Variants in RBL2 observed in about 807,000 individuals in gnomAD.
The protein encoded by RBL2 is retinoblastoma-like protein 2.
A neutral mutation model predicts 126.0 loss-of-function variants in RBL2; 56 were observed. The observed-to-expected ratio is 0.44, with a 90% confidence interval of 0.36 to 0.56. The LOEUF is 0.56. Ranked by LOEUF, RBL2 falls within the 20% of genes least tolerant of loss-of-function variation. RBL2 has a pLI of 0.00. For missense variants in RBL2, 1,229 were observed against 1,398.2 expected (o/e 0.88, Z 1.93); for synonymous variants, 454 against 478.5 (o/e 0.95, Z 0.67).
chr16:53,490,081 G>C (rs774952124), intron 21 of RBL2, 49 bp from the exon 22 acceptor site: 43 of 1,395,146 alleles, frequency 3.1e-5, no homozygotes, highest in Non-Finnish European at 4.1e-5. Context: ...TTAATACTGA[G>C]CTATGTGCAT....
At chr16:53,461,354 G>A (rs569560406) in intron 9 of RBL2, among the ~76,000 whole-genome samples, 14 of 152,270 alleles carry the variant, frequency 9.2e-5, no homozygotes, top group Admixed American at 3.9e-4. Flanking sequence ...TTAGCTGGGC[G>A]TGGTGGCAGG....
chr16:53,467,300 A>G lies in RBL2; in HGVS notation c.1975+131A>G, dbSNP rs1460068111. The G allele has an allele frequency of 7.2e-6, 5 of 692,398 alleles. No individual in the cohort carries two copies. In the African/African-American group the frequency reaches 7.4e-5, roughly 10 times the overall value. 42.9% of individuals were successfully genotyped at this position (692,398 alleles called of 1,614,324 possible). A position where few individuals can be genotyped will look rare whatever the true frequency, so the allele number is the denominator to read the frequency against. On this transcript the variant is annotated intron_variant, in intron 14 of 21. Transcript: ENST00000262133. ...TTCTATGCATTTTTGTACCACATGG[A>G]TCACTTAAAAGAAGGGCCTTTAAAG...
chr16:53,477,183 TAC>T (rs1960756742), intron 17 of RBL2, among the ~76,000 whole-genome samples: 1 of 152,222 alleles, frequency 6.6e-6, no homozygotes, highest in African/African-American at 2.4e-5. Context: ...ACTGTTTCGT[TAC>T]ACATATTACA....
At chr16:53,484,357 C>T (rs1961076229) in intron 21 of RBL2, among the ~76,000 whole-genome samples, 1 of 152,126 alleles carries the variant, frequency 6.6e-6, no homozygotes, top group Non-Finnish European at 1.5e-5. Flanking sequence ...AGGAAAATAG[C>T]ATTTAAATGT....
intron 17 of RBL2, among the ~76,000 whole-genome samples, chr16:53,472,227 A>T (rs942712304): frequency 6.6e-6 from 1 of 152,214 alleles, no homozygotes; most frequent in Non-Finnish European, 1.5e-5. Flanking sequence ...GTGAACAGGT[A>T]TATCATGTAC....
chr16:53,447,737 C>CAGGTGT (rs2058075939), intron 4 of RBL2, among the ~76,000 whole-genome samples: 2 of 150,888 alleles, frequency 1.3e-5, no homozygotes, highest in African/African-American at 5.0e-5. Context: ...CTACACCTCC[C>CAGGTGT]AGGTTCAAGT....
At chr16:53,466,493 C>T (rs532371533) in intron 13 of RBL2, among the ~76,000 whole-genome samples, 12 of 151,802 alleles carry the variant, frequency 7.9e-5, no homozygotes, top group Admixed American at 6.6e-5. Context: ...AGCTTGTTTT[C>T]CTGCAACTAG....
At chr16:53,454,903 T>G in intron 8 of RBL2, 61 bp downstream of exon 8, 3 of 1,391,772 alleles carry the variant, frequency 2.2e-6, no homozygotes, top group Non-Finnish European at 2.9e-6. Context: ...GGGTTCTTTT[T>G]TATTTTGGTA....
In RBL2 at chr16:53,462,576, T is replaced by C. The variant is rs1036452858; in HGVS notation, c.1481T>C (p.Phe494Ser). Residue 494 changes from phenylalanine to serine, a missense_variant, in exon 11 of 22, where the codon TTT (phenylalanine) becomes TCT (serine). Around this residue, in one of 2 missense-constraint regions of RBL2, gnomAD observed 1,070 missense variants for 1,274.3 expected, o/e 0.84. Transcript: ENST00000262133. ...AKEIASKHFR[F>S]AEMLYYKVLE... ...GAAATTGCCAGCAAACATTTTCGTT[T>C]TGCGGAGATGCTTTACTATAAAGTA... 9.0e-6 allele frequency: 14 copies of C among 1,560,988 alleles called. No homozygotes were observed. The Admixed American group carries it at 1.6e-4, about 18-fold the overall frequency.
At position 53,468,615 on chromosome 16, in the gene RBL2, A is replaced by C. The variant is rs369005801; in HGVS notation, c.1976-1301A>C. On this transcript the variant is annotated intron_variant, in intron 14 of 21. Coordinates refer to ENST00000262133, the MANE Select transcript of RBL2 (RefSeq NM_005611.4). Reference sequence around the variant, plus strand: ...ATATTTTATAAGAAAAAATGATCATAATCTATTCTTTCTGATTCTGCAGCT... The same window carrying C: ...ATATTTTATAAGAAAAAATGATCATCATCTATTCTTTCTGATTCTGCAGCT... 2.7e-3 allele frequency among the ~76,000 whole-genome samples: 404 copies of C among 152,310 alleles called. 23 individuals are homozygous for C. The South Asian group carries it at 0.08, about 30-fold the overall frequency.
intron 13 of RBL2, chr16:53,466,718 G>C (rs924885416): frequency 4.8e-6 from 1 of 209,270 alleles, no homozygotes; most frequent in Non-Finnish European, 9.6e-6. Flanking sequence ...AGCTTTGCTC[G>C]CATGCTCACT....
Position 53,467,054 on chromosome 16 carries a change from A to G in RBL2, c.1864-4A>G, listed in dbSNP as rs781330048. ...TGGCATTCTGTGTAACCAATTCTTC[A>G]TAGGTCATGCCACCTCAGAACCTGG... On this transcript the variant is annotated splice_polypyrimidine_tract_variant and splice_region_variant and intron_variant, in intron 13 of 21. Coordinates refer to ENST00000262133, the MANE Select transcript of RBL2 (RefSeq NM_005611.4). 3.1e-6 allele frequency: 5 copies of G among 1,610,860 alleles called. No individual in the cohort carries two copies. The highest frequency in any genetic ancestry group is 1.7e-5 in the Admixed American group (1 of 59,644).
chr16:53,479,057 T>C (rs764833396), intron 17 of RBL2, 97 bp from the exon 18 acceptor site: 2 of 921,534 alleles, frequency 2.2e-6, no homozygotes, highest in Non-Finnish European at 3.5e-6. Flanking sequence ...TTTTATATAA[T>C]TTTCACCCCT....
chr16:53,446,629 G>T (rs547374130), intron 3 of RBL2, among the ~76,000 whole-genome samples: 1 of 152,220 alleles, frequency 6.6e-6, no homozygotes, highest in South Asian at 2.1e-4. Context: ...ATATAGTCTG[G>T]AATATCTTTA....
chr16:53,434,842 C>T (rs1006937417), intron 1 of RBL2, 46 bp downstream of exon 1: 13 of 1,440,334 alleles, frequency 9.0e-6, no homozygotes, highest in African/African-American at 1.5e-5. Context: ...TTGGCGTGAA[C>T]CGGTGCCTTC....
intron 21 of RBL2, among the ~76,000 whole-genome samples, chr16:53,487,268 C>T (rs140762807): frequency 6.6e-6 from 1 of 152,282 alleles, no homozygotes; most frequent in East Asian, 1.9e-4. Flanking sequence ...AGGATTCACA[C>T]TAATTATGAA....
chr16:53,453,449 T>C lies in RBL2; in HGVS notation c.767-3T>C, dbSNP rs776337673. On this transcript the variant is annotated splice_polypyrimidine_tract_variant and splice_region_variant and intron_variant, in intron 5 of 21. Coordinates refer to ENST00000262133, the MANE Select transcript of RBL2 (RefSeq NM_005611.4). Reference sequence around the variant, plus strand: ...CTCTGTTTTGTGATTCTATACACCATAGGCTTATCTGAAGATTTTCATGCT... The same window carrying C: ...CTCTGTTTTGTGATTCTATACACCACAGGCTTATCTGAAGATTTTCATGCT... 6 of 1,611,430 alleles carry C rather than the reference T, an allele frequency of 3.7e-6. No individual in the cohort carries two copies. In the East Asian group the frequency reaches 1.3e-4, roughly 36 times the overall value.
chr16:53,445,170 T>C (rs948156728), intron 3 of RBL2, among the ~76,000 whole-genome samples: 3 of 151,632 alleles, frequency 2.0e-5, no homozygotes, highest in African/African-American at 4.9e-5. Flanking sequence ...CCACAAAAAA[T>C]AGAAAAATTA....
rs137951455 is a variant in RBL2, at chr16:53,478,083, A to T, written c.2704-1071A>T. On this transcript the variant is annotated intron_variant, in intron 17 of 21. Coordinates refer to ENST00000262133, the MANE Select transcript of RBL2 (RefSeq NM_005611.4). Reference sequence around the variant, plus strand: ...TTTTGAATATTGACATTTCAGAGATAAAAATCTTGAGTAACTTTTTAATAC... The same window carrying T: ...TTTTGAATATTGACATTTCAGAGATTAAAATCTTGAGTAACTTTTTAATAC... 2.3e-4 allele frequency among the ~76,000 whole-genome samples: 35 copies of T among 152,324 alleles called. No homozygotes were observed. In the East Asian group the frequency reaches 6.4e-3, roughly 28 times the overall value.
Sources: allele counts gnomAD v4.1 joint callset (sites outside exome capture counted in the v4.1 genomes callset), GRCh38; gene constraint gnomAD v4.1.1; regional missense constraint gnomAD v4.1.1; transcripts MANE v1.5; gene names NCBI Gene and HGNC (gene_info 2026-07-23, HGNC 2026-07-21).